The following SOX6 variants were observed in gnomAD, a reference collection of about 807,000 sequenced individuals.
The protein encoded by SOX6 is transcription factor SOX-6.
Under a neutral mutation model 97.8 loss-of-function variants are expected in SOX6, and 11 were observed. The observed-to-expected ratio is 0.11, with a 90% CI of 0.07 to 0.19. The LOEUF is 0.19. Ranked by LOEUF, SOX6 falls within the 10% of genes least tolerant of loss-of-function variation. SOX6 has a pLI of 1.00. For missense variants in SOX6, 810 were observed against 1,039.5 expected (o/e 0.78, Z 3.04); for synonymous variants, 360 against 371.4 (o/e 0.97, Z 0.35).
intron 3 of SOX6, among the ~76,000 whole-genome samples, chr11:16,309,694 A>C (rs1430767088): frequency 6.6e-6 from 1 of 152,054 alleles, no homozygotes; most frequent in Non-Finnish European, 1.5e-5. Context: ...ATAATAAATA[A>C]ATGTTTACAT....
chr11:16,354,326 A>G (rs992861532), intron 1 of SOX6, among the ~76,000 whole-genome samples: 1 of 152,056 alleles, frequency 6.6e-6, no homozygotes, highest in Non-Finnish European at 1.5e-5. Context: ...AACAAAAACA[A>G]ATAAAAATCC....
chr11:16,700,992 C>T (rs886391603), intron 3 of SOX6, among the ~76,000 whole-genome samples: 1 of 152,224 alleles, frequency 6.6e-6, no homozygotes, highest in Non-Finnish European at 1.5e-5. Context: ...TCAAAAATAT[C>T]TGACAATCAA....
At chr11:16,501,621 A>AG (rs1163761467) in intron 4 of SOX6, among the ~76,000 whole-genome samples, 1 of 151,942 alleles carries the variant, frequency 6.6e-6, no homozygotes, top group East Asian at 1.9e-4. Flanking sequence ...CAAGAAAAAA[A>AG]CAAACAACCC....
intron 9 of SOX6, among the ~76,000 whole-genome samples, chr11:16,075,819 G>T (rs1036309008): frequency 6.6e-6 from 1 of 151,778 alleles, no homozygotes; most frequent in African/African-American, 2.4e-5. Flanking sequence ...TAATAATAAA[G>T]AAATTCAAAA....
In SOX6 at chr11:16,305,230, C is replaced by A. The variant is rs1170539771; in HGVS notation, c.445+13216G>T. ...TTCACAACAGCAAAAATAAAACAATCCAATTAGAAAATAGACCGAAAACAT... is the reference window on the plus strand; with the variant it reads ...TTCACAACAGCAAAAATAAAACAATACAATTAGAAAATAGACCGAAAACAT... On this transcript the variant is annotated intron_variant, in intron 3 of 15. Transcript: ENST00000683767. Among the ~76,000 whole-genome samples the A allele has an allele frequency of 2.0e-5, 3 of 152,082 alleles. No individual in the cohort carries two copies. In the East Asian group the frequency reaches 5.8e-4, roughly 29 times the overall value.
chr11:16,507,748 G>C (rs1019808773), intron 4 of SOX6, among the ~76,000 whole-genome samples: 1 of 152,044 alleles, frequency 6.6e-6, no homozygotes. Flanking sequence ...ATCAACTCAA[G>C]ATGAATTAAA....
intron 4 of SOX6, among the ~76,000 whole-genome samples, chr11:16,217,821 C>T (rs901623707): frequency 9.9e-5 from 15 of 152,116 alleles, no homozygotes; most frequent in South Asian, 6.2e-4. Flanking sequence ...TATTTGAGGT[C>T]CCCTCTCCTG....
chr11:16,368,245 T>C (rs879569707), intron 1 of SOX6, among the ~76,000 whole-genome samples: 9 of 152,126 alleles, frequency 5.9e-5, no homozygotes, highest in Non-Finnish European at 7.3e-5. Flanking sequence ...CTCTCCAATA[T>C]CTAGATTTAT....
At chr11:16,642,343 C>T (rs1209153568) in intron 3 of SOX6, among the ~76,000 whole-genome samples, 1 of 152,076 alleles carries the variant, frequency 6.6e-6, no homozygotes, top group Non-Finnish European at 1.5e-5. Context: ...TGTGGCTGCC[C>T]TTAACATTTT....
chr11:16,531,912 A>G (rs1395545958), intron 4 of SOX6, among the ~76,000 whole-genome samples: 1 of 151,918 alleles, frequency 6.6e-6, no homozygotes, highest in Non-Finnish European at 1.5e-5. Flanking sequence ...CATGACATCC[A>G]ATATTTCTTC....
At chr11:16,406,551 G>C (rs1858690899) in intron 1 of SOX6, among the ~76,000 whole-genome samples, 1 of 152,076 alleles carries the variant, frequency 6.6e-6, no homozygotes, top group Non-Finnish European at 1.5e-5. Context: ...AACAGCAAGA[G>C]TGTGAACAGA....
At chr11:16,092,238 G>A (rs532334989) in intron 9 of SOX6, among the ~76,000 whole-genome samples, 28 of 151,938 alleles carry the variant, frequency 1.8e-4, no homozygotes, top group African/African-American at 6.5e-4. Context: ...TTTTAAAAAG[G>A]CAACAAAAGT....
intron 3 of SOX6, among the ~76,000 whole-genome samples, chr11:16,685,847 C>T (rs1285756285): frequency 6.6e-6 from 1 of 152,278 alleles, no homozygotes; most frequent in African/African-American, 2.4e-5. Flanking sequence ...GGCACCTAAG[C>T]TTTCTCATAC....
chr11:16,268,790 A>G (rs1519119), intron 3 of SOX6, among the ~76,000 whole-genome samples: 117,926 of 150,766 alleles, frequency 0.78, 46,261 homozygotes, highest in Non-Finnish European at 0.8. Context: ...TTTCCCTCAA[A>G]TTTTCAGAAA....
chr11:16,139,610 A>G (rs2134036632), intron 6 of SOX6, among the ~76,000 whole-genome samples: 1 of 152,150 alleles, frequency 6.6e-6, no homozygotes, highest in South Asian at 2.1e-4. Context: ...ACTTTCTGGA[A>G]TAATAAAATA....
At chr11:16,347,878 T>G (rs1474295821) in intron 1 of SOX6, among the ~76,000 whole-genome samples, 1 of 152,056 alleles carries the variant, frequency 6.6e-6, no homozygotes, top group Non-Finnish European at 1.5e-5. Context: ...TGAACAAATT[T>G]ATATAAAGAA....
intron 1 of SOX6, among the ~76,000 whole-genome samples, chr11:16,455,576 G>A (rs1859797079): frequency 6.6e-6 from 1 of 151,978 alleles, no homozygotes; most frequent in African/African-American, 2.4e-5. Flanking sequence ...TGTATCAGAA[G>A]GACACAGATT....
chr11:16,153,253 C>G (rs1307706712), intron 6 of SOX6, among the ~76,000 whole-genome samples: 1 of 152,014 alleles, frequency 6.6e-6, no homozygotes, highest in Non-Finnish European at 1.5e-5. Context: ...AGTGATCCAC[C>G]CATCTCAGCC....
chr11:16,200,478 G>C (rs1236873456), intron 4 of SOX6, among the ~76,000 whole-genome samples: 2 of 152,186 alleles, frequency 1.3e-5, no homozygotes, highest in Non-Finnish European at 2.9e-5. Context: ...AAACAGAGTT[G>C]AAAGTTTTTA....
Sources: allele counts gnomAD v4.1 joint callset (sites outside exome capture counted in the v4.1 genomes callset), GRCh38; gene constraint gnomAD v4.1.1; transcripts MANE v1.5; gene names NCBI Gene and HGNC (gene_info 2026-07-23, HGNC 2026-07-21).